CUL4B: variants seen among roughly 807,000 people sequenced by gnomAD.
CUL4B encodes cullin 4B, also known as cullin-4B.
In CUL4B, 1 loss-of-function variant was observed where a neutral mutation model predicts 69.2. The observed-to-expected ratio is 0.01, with a 90% CI of 0.01 to 0.07. CUL4B has a LOEUF of 0.07. Ranked by LOEUF, CUL4B falls within the 10% of genes least tolerant of loss-of-function variation. The pLI is 1.00. For synonymous variants in CUL4B, 237 were observed against 223.2 expected (o/e 1.06, Z -0.55); for missense variants, 328 against 638.8 (o/e 0.51, Z 5.24).
At chrX:120,572,867 G>T (rs769059016) in intron 2 of CUL4B, among the ~76,000 whole-genome samples, 25 of 110,708 alleles carry the variant, frequency 2.3e-4, no homozygotes, top group African/African-American at 7.5e-4. Context: ...CTTACCTTAC[G>T]TTGCTGGACT....
chrX:120,560,904 C>G lies in CUL4B; in HGVS notation c.-266G>C. On this transcript the variant is annotated 5_prime_UTR_variant, in exon 1 of 20. Transcript: ENST00000371322. Reference sequence around the variant, plus strand: ...AGACAGGTAAACGGCCGTGCCGTCCCCCTCCCCTGCTTTTCGATCTCTCTC... The same window carrying G: ...AGACAGGTAAACGGCCGTGCCGTCCGCCTCCCCTGCTTTTCGATCTCTCTC... 1.3e-6 allele frequency: 1 copy of G among 753,353 alleles called. No individual in the cohort carries two copies. Among genetic ancestry groups the G allele is most frequent in the Non-Finnish European group, 1.6e-6 (1 of 638,936 alleles). 62.1% of individuals were successfully genotyped at this position (753,353 alleles called of 1,213,427 possible).
chrX:120,538,485 AC>A, intron 13 of CUL4B, 174 bp downstream of exon 13: 1 of 434,280 alleles, frequency 2.3e-6, no homozygotes, highest in Admixed American at 4.6e-5. Flanking sequence ...CTTAAAAAAA[AC>A]AACTCTGGAT....
At position 120,531,083 on chromosome X, in the gene CUL4B, G is replaced by C. The variant is rs376680956; in HGVS notation, c.2440-829C>G. 6.7e-4 allele frequency among the ~76,000 whole-genome samples: 74 copies of C among 111,059 alleles called. 1 individual carries two copies. The East Asian group carries it at 0.012, about 18-fold the overall frequency. On this transcript the variant is annotated intron_variant, in intron 18 of 19. Coordinates refer to ENST00000371322, the MANE Select transcript of CUL4B (RefSeq NM_001079872.2). ...TCACACCTATAATTCCAGCACTTTG[G>C]GAGGCCGAGATGGGCGGATCATGAG...
intron 5 of CUL4B, 59 bp downstream of exon 5, chrX:120,545,385 G>A (rs1924254058): frequency 5.1e-6 from 4 of 785,174 alleles, no homozygotes; most frequent in Admixed American, 5.2e-5. Flanking sequence ...TTTCATTAGT[G>A]TAATTAAGAT....
At chrX:120,554,828 G>T (rs991953164) in intron 2 of CUL4B, among the ~76,000 whole-genome samples, 11 of 111,849 alleles carry the variant, frequency 9.8e-5, no homozygotes, top group African/African-American at 3.2e-4. Context: ...CAGGTAGATT[G>T]AGAGAGTACT....
In CUL4B at chrX:120,536,963, C is replaced by T. The variant is rs774746965; in HGVS notation, c.2010G>A (p.Pro670=). The T allele has an allele frequency of 7.5e-6, 9 of 1,207,001 alleles. No individual in the cohort carries two copies. The highest frequency in any genetic ancestry group is 9.0e-6 in the Non-Finnish European group (8 of 891,314). The change falls in exon 15 of 20, where the codon CCG becomes CCA. Residue 670 remains proline (P), a synonymous_variant. Coordinates refer to ENST00000371322, the MANE Select transcript of CUL4B (RefSeq NM_001079872.2). Reference sequence around the variant, plus strand: ...AATGAACTTCCATAGGCACATATGTCGGCCAATAGCCCATTGTCAGGATAT... The same window carrying T: ...AATGAACTTCCATAGGCACATATGTTGGCCAATAGCCCATTGTCAGGATAT... ...TVNILTMGYW[P]TYVPMEVHLP... is the part of the protein sequence containing the mutation.
At chrX:120,545,340 G>T (rs1924250749) in intron 5 of CUL4B, 104 bp downstream of exon 5, 1 of 607,985 alleles carries the variant, frequency 1.6e-6, no homozygotes, top group South Asian at 2.6e-5. Context: ...AACCAAATGT[G>T]AATTTTTAGA....
At position 120,544,221 on chromosome X, in the gene CUL4B, T is replaced by C; in HGVS notation, c.1084-18A>G. The C allele has an allele frequency of 1.9e-6, 2 of 1,055,572 alleles. No homozygotes were observed. Among genetic ancestry groups the C allele is most frequent in the Non-Finnish European group, 2.7e-6 (2 of 754,192 alleles). 87.0% of individuals were successfully genotyped at this position (1,055,572 alleles called of 1,213,427 possible). ...TGATAAATCTGGAGGGGGAACAAAA[T>C]GAAGGAGATCATTTATTTAGCAAAT... is the stretch of plus-strand genomic sequence containing the variant. On this transcript the variant is annotated intron_variant, in intron 6 of 19. Coordinates refer to ENST00000371322, the MANE Select transcript of CUL4B (RefSeq NM_001079872.2).
downstream of CUL4B, among the ~76,000 whole-genome samples, chrX:120,570,302 C>T (rs969980079): frequency 3.6e-5 from 4 of 112,162 alleles, no homozygotes; most frequent in Non-Finnish European, 7.5e-5. Flanking sequence ...TACTGGGCAA[C>T]ACTACAAAAA....
intron 1 of CUL4B, chrX:120,559,723 C>A (rs1376133971): frequency 7.3e-6 from 7 of 962,114 alleles, no homozygotes; most frequent in Non-Finnish European, 8.1e-6. Flanking sequence ...CCAGCAATGC[C>A]AAGGCTCGCT....
rs1389436849 is a variant in CUL4B at position 120,525,704 on chromosome X, G to A, written c.*1057C>T. On this transcript the variant is annotated 3_prime_UTR_variant, in exon 20 of 20. Transcript: ENST00000371322. ...TTAGCAAGTTAAAATGAAGATGACA[G>A]GAAAGGCTTATTTATCAACAAAGAG... is the stretch of plus-strand genomic sequence containing the variant. 9.0e-6 allele frequency: 1 copy of A among 110,618 alleles called. No homozygotes were observed. The highest frequency in any genetic ancestry group is 1.9e-5 in the Non-Finnish European group (1 of 52,865). 9.1% of individuals were successfully genotyped at this position (110,618 alleles called of 1,213,427 possible).
At chrX:120,535,706 A>C in intron 16 of CUL4B, 124 bp downstream of exon 16, 63 of 140,456 alleles carry the variant, frequency 4.5e-4, no homozygotes, top group Non-Finnish European at 5.6e-4. Flanking sequence ...CTCTGTCTCA[A>C]AAAAAAAAAA....
chrX:120,543,495 A>AACACACACAC (rs60058698), intron 8 of CUL4B, among the ~76,000 whole-genome samples: 212 of 98,177 alleles, frequency 2.2e-3, no homozygotes, highest in African/African-American at 7.8e-3. Flanking sequence ...TTACCTTCTA[A>AACACACACAC]ACACACACAC....
intron 5 of CUL4B, among the ~76,000 whole-genome samples, chrX:120,545,068 A>G (rs1026255151): frequency 4.5e-5 from 5 of 112,265 alleles, no homozygotes; most frequent in African/African-American, 1.3e-4. Context: ...GATGATAGGT[A>G]CATGGGAGGG....
At chrX:120,556,749 C>T (rs1924989998) in intron 2 of CUL4B, among the ~76,000 whole-genome samples, 1 of 110,252 alleles carries the variant, frequency 9.1e-6, no homozygotes, top group Admixed American at 9.8e-5. Flanking sequence ...GCAGTCAAAA[C>T]TAGATCCCAA....
rs766196936 is a variant in CUL4B, at chrX:120,540,566, A to C, written c.1444-4T>G. The C allele has an allele frequency of 4.2e-6, 5 of 1,186,017 alleles. No homozygotes were observed. Among genetic ancestry groups the C allele is most frequent in the Non-Finnish European group, 5.7e-6 (5 of 874,305 alleles). On this transcript the variant is annotated splice_polypyrimidine_tract_variant and splice_region_variant and intron_variant, in intron 10 of 19. Coordinates refer to ENST00000371322, the MANE Select transcript of CUL4B (RefSeq NM_001079872.2). ...TTACAATAGTGCTGCCAAATGCCTA[A>C]AACAAAAAATTACCACTTTTTACTG...
rs1197004040 is a variant in CUL4B, at chrX:120,526,159, C to G, written c.*602G>C. On this transcript the variant is annotated 3_prime_UTR_variant, in exon 20 of 20. Coordinates refer to ENST00000371322, the MANE Select transcript of CUL4B (RefSeq NM_001079872.2). ...AGATATTATGTAAGCAACTGTCCCC[C>G]TACTTGAAAACTTGTTTCCAAATAA... The G allele has an allele frequency of 8.9e-6, 1 of 112,610 alleles. No individual in the cohort carries two copies. The highest frequency in any genetic ancestry group is 2.8e-4 in the East Asian group (1 of 3,576). 9.3% of individuals were successfully genotyped at this position (112,610 alleles called of 1,213,427 possible).
At chrX:120,547,390 T>C in intron 2 of CUL4B, 151 bp from the exon 3 acceptor site, 1 of 469,982 alleles carries the variant, frequency 2.1e-6, no homozygotes, top group Non-Finnish European at 3.8e-6. Context: ...ACAAAATATA[T>C]CAATGTGGGT....
intron 18 of CUL4B, 55 bp from the exon 19 acceptor site, chrX:120,530,309 TA>T: frequency 9.0e-7 from 1 of 1,108,265 alleles, no homozygotes. Context: ...CCTGACTATT[TA>T]CATAAATTGT....
Sources: allele counts gnomAD v4.1 joint callset (sites outside exome capture counted in the v4.1 genomes callset), GRCh38; gene constraint gnomAD v4.1.1; transcripts MANE v1.5; gene names NCBI Gene and HGNC (gene_info 2026-07-23, HGNC 2026-07-21).